Variants in SGCZ observed in about 807,000 individuals in gnomAD.
SGCZ encodes sarcoglycan zeta, also known as zeta-sarcoglycan.
In SGCZ, 40 loss-of-function variants were observed where a neutral mutation model predicts 41.3. The observed-to-expected ratio is 0.97, with a 90% CI of 0.75 to 1.26. SGCZ has a LOEUF of 1.26. Among genes scored for constraint, SGCZ ranks in the 50% most tolerant of loss-of-function variants. The pLI, the probability that SGCZ is intolerant of heterozygous loss-of-function variation, is 0.00. For synonymous variants in SGCZ, 206 were observed against 137.5 expected, an observed-to-expected ratio of 1.50 and a Z score of -3.49; for missense variants, 552 against 369.8, an observed-to-expected ratio of 1.49 and a Z score of -4.04.
At chr8:14,677,437 C>A (rs1255221517) in intron 1 of SGCZ, among the ~76,000 whole-genome samples, 2 of 151,984 alleles carry the variant, frequency 1.3e-5, no homozygotes, top group Admixed American at 1.3e-4. Context: ...TTATGAATAA[C>A]AACAAATTGA....
chr8:14,361,337 G>C (rs902330031), intron 2 of SGCZ, among the ~76,000 whole-genome samples: 1 of 151,950 alleles, frequency 6.6e-6, no homozygotes, highest in Admixed American at 6.6e-5. Flanking sequence ...ACGTAGATTT[G>C]GTCTTTTCAC....
rs1325558354 is a variant in SGCZ at position 14,088,572 on chromosome 8, T to TCC, written c.*1870_*1871insGG. 2.2e-4 allele frequency among the ~76,000 whole-genome samples: 34 copies of TCC among 151,880 alleles called. No homozygotes were observed. The highest frequency in any genetic ancestry group is 4.4e-5 in the Non-Finnish European group (3 of 67,858). On this transcript the variant is annotated 3_prime_UTR_variant, in exon 8 of 8. Coordinates refer to ENST00000382080, the MANE Select transcript of SGCZ (RefSeq NM_139167.4). ...TCTCTTATTTTAATATAAATTAAAC[T>TCC]CTTGTGTTATAACTTTGTAAGCAAT...
intron 1 of SGCZ, among the ~76,000 whole-genome samples, chr8:14,826,131 T>G (rs1218350761): frequency 7.4e-6 from 1 of 135,884 alleles, no homozygotes; most frequent in Non-Finnish European, 1.6e-5. Flanking sequence ...CCCCTTCCTG[T>G]GTCCATGCCT....
chr8:14,281,502 T>A (rs1465909821), intron 3 of SGCZ, among the ~76,000 whole-genome samples: 1 of 151,992 alleles, frequency 6.6e-6, no homozygotes, highest in African/African-American at 2.4e-5. Context: ...AGTATCATCA[T>A]CCAAAAATTC....
intron 1 of SGCZ, among the ~76,000 whole-genome samples, chr8:14,829,276 A>G (rs1047836805): frequency 2.4e-5 from 3 of 123,854 alleles, no homozygotes; most frequent in East Asian, 4.1e-4. Context: ...TACCACTAGT[A>G]AGTTAATAAT....
intron 1 of SGCZ, among the ~76,000 whole-genome samples, chr8:14,556,972 T>C (rs571554903): frequency 2.0e-4 from 30 of 152,202 alleles, no homozygotes; most frequent in Admixed American, 1.8e-3. Context: ...CTAGATCAAA[T>C]GGTAGTTCTA....
In SGCZ at chr8:14,638,514, T is replaced by A. The variant is rs1385355729; in HGVS notation, c.40-83588A>T. ...TTCTTAAAGTCCATCAATATCTCCT[T>A]ACCTCCTGCAAGACACATTATAAAC... is the stretch of plus-strand genomic sequence containing the variant. On this transcript the variant is annotated intron_variant, in intron 1 of 7. Transcript: ENST00000382080. 2.6e-5 allele frequency among the ~76,000 whole-genome samples: 4 copies of A among 151,854 alleles called. No individual in the cohort carries two copies. The East Asian group carries it at 5.8e-4, about 22-fold the overall frequency.
At chr8:14,093,380 A>C (rs1563121375) in intron 7 of SGCZ, among the ~76,000 whole-genome samples, 1 of 152,050 alleles carries the variant, frequency 6.6e-6, no homozygotes, top group Admixed American at 6.6e-5. Flanking sequence ...GTCATCCCCC[A>C]CACTTCAATT....
chr8:14,533,389 C>A (rs917551033), intron 2 of SGCZ, among the ~76,000 whole-genome samples: 2 of 151,848 alleles, frequency 1.3e-5, no homozygotes, highest in African/African-American at 4.8e-5. Flanking sequence ...CAGTGGAAAT[C>A]TTTTATTTTA....
At chr8:14,639,027 G>C (rs74435630) in intron 1 of SGCZ, among the ~76,000 whole-genome samples, 1 of 143,572 alleles carries the variant, frequency 7.0e-6, no homozygotes, top group African/African-American at 2.5e-5. Context: ...AATACACTAA[G>C]AAACTGGAAT....
At chr8:14,999,677 G>C (rs1338537491) in intron 1 of SGCZ, among the ~76,000 whole-genome samples, 2 of 152,138 alleles carry the variant, frequency 1.3e-5, no homozygotes, top group African/African-American at 4.8e-5. Flanking sequence ...CACATCACAG[G>C]ACCCTTACTC....
At chr8:14,687,656 C>G (rs1808659704) in intron 1 of SGCZ, among the ~76,000 whole-genome samples, 1 of 151,736 alleles carries the variant, frequency 6.6e-6, no homozygotes, top group Non-Finnish European at 1.5e-5. Context: ...AATAAACATA[C>G]ATGTGCATGT....
intron 2 of SGCZ, among the ~76,000 whole-genome samples, chr8:14,361,438 A>G (rs766584943): frequency 1.3e-5 from 2 of 152,172 alleles, no homozygotes; most frequent in Admixed American, 6.5e-5. Flanking sequence ...TTGCTCTTCA[A>G]TCACTGATAT....
At chr8:14,209,241 C>T (rs948216111) in intron 4 of SGCZ, among the ~76,000 whole-genome samples, 1 of 152,200 alleles carries the variant, frequency 6.6e-6, no homozygotes, top group African/African-American at 2.4e-5. Context: ...GACACACAGC[C>T]TCTTCAAACC....
intron 4 of SGCZ, among the ~76,000 whole-genome samples, chr8:14,213,769 T>C (rs937503594): frequency 1.3e-5 from 2 of 152,086 alleles, no homozygotes; most frequent in Non-Finnish European, 2.9e-5. Context: ...TTTGAAGATA[T>C]TTAAATATTT....
chr8:14,514,968 C>T (rs540656377), intron 2 of SGCZ, among the ~76,000 whole-genome samples: 3 of 151,822 alleles, frequency 2.0e-5, no homozygotes, highest in East Asian at 1.9e-4. Context: ...CATCCAATTC[C>T]GATTATAATT....
At chr8:15,190,204 T>G (rs146726451) in intron 1 of SGCZ, among the ~76,000 whole-genome samples, 7 of 152,310 alleles carry the variant, frequency 4.6e-5, no homozygotes, top group African/African-American at 1.7e-4. Context: ...CATTTAATTT[T>G]ATATCCCTTA....
At chr8:14,256,061 T>C (rs1476894191) in intron 3 of SGCZ, among the ~76,000 whole-genome samples, 1 of 152,136 alleles carries the variant, frequency 6.6e-6, no homozygotes, top group African/African-American at 2.4e-5. Context: ...ATATACCTCT[T>C]ATTTTCTCTT....
chr8:14,196,337 CA>C (rs1805266518), intron 4 of SGCZ, among the ~76,000 whole-genome samples: 1 of 150,866 alleles, frequency 6.6e-6, no homozygotes, highest in African/African-American at 2.4e-5. Flanking sequence ...GATCTCCTGT[CA>C]CAGCAACTTC....
Sources: gnomAD v4.1 joint callset for allele counts (sites outside exome capture counted in the v4.1 genomes callset) on GRCh38, gnomAD v4.1.1 for gene constraint, MANE v1.5 for transcripts, NCBI Gene and HGNC (gene_info 2026-07-23, HGNC 2026-07-21) for gene names.